The following PIN4 variants were observed in gnomAD, a reference collection of about 807,000 sequenced individuals.
PIN4 encodes the protein peptidyl-prolyl cis-trans isomerase NIMA-interacting 4.
In PIN4, 3 loss-of-function variants were observed where a neutral mutation model predicts 8.3. The observed-to-expected ratio is 0.36, with a 90% CI of 0.16 to 0.93. PIN4 has a LOEUF of 0.93. Among genes scored for constraint, PIN4 ranks in the 40% least tolerant of loss-of-function variants. The probability of loss-of-function intolerance (pLI) is 0.44; values close to 1 mark genes in which losing one functional copy is unlikely to be tolerated. For synonymous variants in PIN4, 18 were observed against 32.5 expected (o/e 0.55, Z 1.52); for missense variants, 75 against 100.6 (o/e 0.75, Z 1.09).
chrX:72,260,794 T>A (rs1269217151), intron 3 of PIN4, among the ~76,000 whole-genome samples: 1 of 111,729 alleles, frequency 9.0e-6, no homozygotes, highest in Non-Finnish European at 1.9e-5. Context: ...ACTCTCCACA[T>A]CCCATCAGTC....
intron 2 of PIN4, among the ~76,000 whole-genome samples, chrX:72,193,448 G>T (rs1002603665): frequency 9.9e-5 from 11 of 111,278 alleles, no homozygotes; most frequent in African/African-American, 3.6e-4. Flanking sequence ...CATGGGACAG[G>T]ACATGGAGGT....
intron 3 of PIN4, among the ~76,000 whole-genome samples, chrX:72,258,235 T>C (rs972150265): frequency 8.9e-6 from 1 of 111,989 alleles, no homozygotes. Context: ...AGCTCTGCCT[T>C]GGATCGGCCC....
At chrX:72,227,634 C>T (rs1331549865) in intron 3 of PIN4, among the ~76,000 whole-genome samples, 1 of 111,175 alleles carries the variant, frequency 9.0e-6, no homozygotes, top group East Asian at 2.8e-4. Context: ...TGACAAATAC[C>T]TGCCACAACC....
chrX:72,213,548 C>A (rs921508739), intron 3 of PIN4, among the ~76,000 whole-genome samples: 3 of 112,099 alleles, frequency 2.7e-5, no homozygotes, highest in Non-Finnish European at 3.8e-5. Flanking sequence ...CCGTCCACCA[C>A]TGCTGTTTGC....
chrX:72,208,012 C>T (rs201800132), intron 3 of PIN4: 12 of 1,210,796 alleles, frequency 9.9e-6, no homozygotes, highest in African/African-American at 5.2e-5. Flanking sequence ...GAGGAGGAGG[C>T]GATTACTTGC....
chrX:72,181,900 TCCGGAGTCCGGGA>T (rs2042674968), intron 1 of PIN4, 72 bp downstream of exon 1: 2 of 643,796 alleles, frequency 3.1e-6, no homozygotes, highest in East Asian at 7.0e-5. Flanking sequence ...ACAGTCCATC[TCCGGAGTCCGGGA>T]CGGACGCAGC....
chrX:72,197,502 T>G lies in PIN4; in HGVS notation c.372T>G (p.Ile124Met). The G allele has an allele frequency of 8.3e-7, 1 of 1,203,331 alleles. No individual in the cohort carries two copies. Among genetic ancestry groups the G allele is most frequent in the Non-Finnish European group, 1.1e-6 (1 of 888,466 alleles). The change falls in exon 4 of 4, where the codon ATT becomes ATG. Residue 124 changes from isoleucine to methionine, a missense_variant. By Grantham distance (10) the Ile-to-Met change is conservative (BLOSUM62 1). Coordinates refer to ENST00000373669, the MANE Select transcript of PIN4 (RefSeq NM_006223.4). ...TTAAGACAAAATTTGGATATCATAT[T>G]ATTATGGTCGAAGGAAGAAAATAAA... The part of the protein sequence containing the change: ...PPVKTKFGYH[I>M]IMVEGRK
intron 3 of PIN4, among the ~76,000 whole-genome samples, chrX:72,262,396 T>C (rs987126255): frequency 6.2e-5 from 7 of 112,206 alleles, no homozygotes; most frequent in African/African-American, 2.3e-4. Context: ...TAGAAGTATT[T>C]CTGTCCTTCA....
intron 3 of PIN4, chrX:72,206,357 C>G: frequency 8.3e-7 from 1 of 1,210,261 alleles, no homozygotes; most frequent in Non-Finnish European, 1.1e-6. Flanking sequence ...CTACCTGTAC[C>G]TTTACCATCT....
At chrX:72,199,044 C>T (rs1445881028), downstream of PIN4, 4 of 109,436 alleles carry the variant, frequency 3.7e-5, no homozygotes, top group South Asian at 4.0e-4. Flanking sequence ...AGTGAGACCC[C>T]GTGTCTAAAA....
At chrX:72,183,375 C>T (rs1427579634) in intron 1 of PIN4, among the ~76,000 whole-genome samples, 1 of 111,093 alleles carries the variant, frequency 9.0e-6, no homozygotes, top group Admixed American at 9.6e-5. Flanking sequence ...TAGTTGAGCC[C>T]ATTAGAGTGT....
rs78660817 is a variant in PIN4 at position 72,205,325 on chromosome X, C to T, written c.312+8421C>T. 4.4e-4 allele frequency: 528 copies of T among 1,210,463 alleles called. 1 individual carries two copies. The highest frequency in any genetic ancestry group is 3.8e-4 in the Non-Finnish European group (340 of 895,364). ...TTGTTTTCTGAAGACAGTGTTTCTC[C>T]GGAAGGATCCTCTTCTGTATACTTG... is the stretch of plus-strand genomic sequence containing the variant. On this transcript the variant is annotated intron_variant, in intron 3 of 3. Coordinates refer to the PIN4 transcript ENST00000423432.
intron 3 of PIN4, among the ~76,000 whole-genome samples, chrX:72,209,511 C>T (rs1026302088): frequency 8.9e-6 from 1 of 112,056 alleles, no homozygotes; most frequent in Non-Finnish European, 1.9e-5. Context: ...TTGACCCCAA[C>T]CTAAATAGGA....
At chrX:72,203,187 AG>A (rs767244732), downstream of PIN4, among the ~76,000 whole-genome samples, 17 of 112,299 alleles carry the variant, frequency 1.5e-4, no homozygotes, top group Admixed American at 1.5e-3. Context: ...AAATGTTGGG[AG>A]GGTGGTGTGC....
chrX:72,218,028 T>C (rs763561332), intron 3 of PIN4, among the ~76,000 whole-genome samples: 68 of 111,252 alleles, frequency 6.1e-4, no homozygotes, highest in Non-Finnish European at 8.7e-4. Flanking sequence ...CCCAGCACTT[T>C]GGAAGGCCAA....
intron 1 of PIN4, among the ~76,000 whole-genome samples, chrX:72,182,307 C>T (rs910901072): frequency 9.0e-6 from 1 of 111,367 alleles, no homozygotes; most frequent in Non-Finnish European, 1.9e-5. Flanking sequence ...TTTGGGAGGC[C>T]GAGGGAGGAT....
chrX:72,212,437 C>T (rs1347397597), intron 3 of PIN4, among the ~76,000 whole-genome samples: 1 of 111,467 alleles, frequency 9.0e-6, no homozygotes, highest in African/African-American at 3.3e-5. Flanking sequence ...GAGGGTCTGC[C>T]AGTTCAGATG....
At chrX:72,238,542 A>G (rs2043030528) in intron 3 of PIN4, among the ~76,000 whole-genome samples, 1 of 112,458 alleles carries the variant, frequency 8.9e-6, no homozygotes, top group Non-Finnish European at 1.9e-5. Flanking sequence ...CCCTAGACTT[A>G]GGGCTTGATA....
chrX:72,208,506 T>C, intron 3 of PIN4: 1 of 1,211,832 alleles, frequency 8.3e-7, no homozygotes, highest in African/African-American at 1.7e-5. Context: ...CTCGATAAAG[T>C]AGCAAGCCAG....
Sources: allele counts gnomAD v4.1 joint callset (sites outside exome capture counted in the v4.1 genomes callset), GRCh38; gene constraint gnomAD v4.1.1; transcripts MANE v1.5; gene names NCBI Gene and HGNC (gene_info 2026-07-23, HGNC 2026-07-21).